The following ADAMTSL1 variants were observed in gnomAD, a reference collection of about 807,000 sequenced individuals.
ADAMTSL1 encodes ADAMTS-like protein 1.
A neutral mutation model predicts 201.8 loss-of-function variants in ADAMTSL1; 126 were observed. That is an observed-to-expected ratio of 0.62 (90% CI 0.54 to 0.72). The LOEUF is 0.72. Among genes scored for constraint, ADAMTSL1 ranks in the 30% least tolerant of loss-of-function variants. The probability of loss-of-function intolerance (pLI) is 0.00; values close to 1 mark genes in which losing one functional copy is unlikely to be tolerated. For missense variants in ADAMTSL1, 2,679 were observed against 2,277.8 expected (o/e 1.18, Z -3.59); for synonymous variants, 1,121 against 903.4 (o/e 1.24, Z -4.32).
chr9:18,266,285 G>A (rs1250307171), intron 2 of ADAMTSL1, among the ~76,000 whole-genome samples: 4 of 152,174 alleles, frequency 2.6e-5, no homozygotes, highest in Non-Finnish European at 5.9e-5. Context: ...CTTAGCAAGG[G>A]CATGGGTCAC....
rs77585153 is a variant in ADAMTSL1, at chr9:18,588,469, C to A, written c.474+14203C>A. On this transcript the variant is annotated intron_variant, in intron 4 of 28. Transcript: ENST00000380548. ...GCAGAAGTTTTTAGCTTAATGTAATCTATGTGTCTGTTTTTGCTTTTGTTT... is the reference window on the plus strand; with the variant it reads ...GCAGAAGTTTTTAGCTTAATGTAATATATGTGTCTGTTTTTGCTTTTGTTT... Among the ~76,000 whole-genome samples the A allele has an allele frequency of 9.0e-3, 1,362 of 152,112 alleles. 18 individuals carry two copies. Among genetic ancestry groups the A allele is most frequent in the African/African-American group, 0.031 (1,307 of 41,522 alleles).
rs139125871 is a variant in ADAMTSL1 at position 18,484,742 on chromosome 9, G to C, written c.63+10447G>C. Among the ~76,000 whole-genome samples the C allele has an allele frequency of 9.1e-4, 139 of 152,276 alleles. 1 individual carries two copies. The East Asian group carries it at 0.022, about 24-fold the overall frequency. On this transcript the variant is annotated intron_variant, in intron 1 of 28. Coordinates refer to ENST00000380548, the MANE Select transcript of ADAMTSL1 (RefSeq NM_001040272.6). ...TTAAGCAGGACTGTCTTGGCTGCAG[G>C]CTCCAGGATTTTGATTTTAAGAAAC...
chr9:18,869,384 T>C (rs751963691), intron 23 of ADAMTSL1, among the ~76,000 whole-genome samples: 1 of 152,230 alleles, frequency 6.6e-6, no homozygotes, highest in Admixed American at 6.5e-5. Flanking sequence ...TCCAGGGAAA[T>C]TGCAGAGCTC....
At chr9:18,649,419 CG>C in intron 7 of ADAMTSL1, among the ~76,000 whole-genome samples, 1 of 152,272 alleles carries the variant, frequency 6.6e-6, no homozygotes, top group East Asian at 1.9e-4. Context: ...AGCTTTGTTC[CG>C]TTGCTGGTGA....
intron 2 of ADAMTSL1, among the ~76,000 whole-genome samples, chr9:18,366,363 C>T (rs1344035788): frequency 6.6e-6 from 1 of 151,594 alleles, no homozygotes; most frequent in Non-Finnish European, 1.5e-5. Flanking sequence ...CCTCGTGTGC[C>T]TTGGGTTATT....
At chr9:18,310,670 A>C (rs1049345361) in intron 2 of ADAMTSL1, among the ~76,000 whole-genome samples, 1 of 152,206 alleles carries the variant, frequency 6.6e-6, no homozygotes, top group Non-Finnish European at 1.5e-5. Context: ...ATCTCACGCC[A>C]GTTAGAATGG....
At chr9:18,234,784 A>G (rs1011006820) in intron 2 of ADAMTSL1, among the ~76,000 whole-genome samples, 8 of 152,226 alleles carry the variant, frequency 5.3e-5, no homozygotes, top group Admixed American at 6.5e-5. Flanking sequence ...TCAGAACCAG[A>G]TTTGTCCTCT....
In ADAMTSL1 at chr9:18,364,872, C is replaced by G. The variant is rs1836699246; in HGVS notation, c.208-139957C>G. On this transcript the variant is annotated intron_variant, in intron 2 of 29. Coordinates refer to the ADAMTSL1 transcript ENST00000680146. ...GAGGTGCCACACACTTTTGAACAAC[C>G]AGACCTCACAATAACTCACTATGCA... Among the ~76,000 whole-genome samples the G allele has an allele frequency of 2.0e-5, 3 of 152,092 alleles. No homozygotes were observed. The South Asian group carries it at 6.2e-4, about 32-fold the overall frequency.
intron 2 of ADAMTSL1, among the ~76,000 whole-genome samples, chr9:18,238,185 A>T (rs1447387021): frequency 6.6e-6 from 1 of 152,208 alleles, no homozygotes; most frequent in Non-Finnish European, 1.5e-5. Flanking sequence ...GCTTTAATGA[A>T]TGAGTTTTAG....
intron 2 of ADAMTSL1, among the ~76,000 whole-genome samples, chr9:18,290,068 A>G (rs887910334): frequency 6.6e-6 from 1 of 152,158 alleles, no homozygotes; most frequent in Non-Finnish European, 1.5e-5. Context: ...TCCAAGACCA[A>G]AAAGACTGGA....
chr9:18,352,014 G>C (rs914385423), intron 2 of ADAMTSL1, among the ~76,000 whole-genome samples: 3 of 152,074 alleles, frequency 2.0e-5, no homozygotes, highest in African/African-American at 7.2e-5. Flanking sequence ...AGAAATAATA[G>C]ATGGGATTTC....
rs1267781422 is a variant in ADAMTSL1 at position 18,886,195 on chromosome 9, TATATATATATATATATAC to T, written c.4250-1634_4250-1617del. 1.2e-3 allele frequency among the ~76,000 whole-genome samples: 160 copies of T among 128,680 alleles called. 3 individuals carry two copies. Among genetic ancestry groups the T allele is most frequent in the African/African-American group, 3.9e-3 (133 of 33,826 alleles). The allele number at this position is 128,680 out of a possible 152,430, so 84.4% of individuals were successfully genotyped here. On this transcript the variant is annotated intron_variant, in intron 23 of 28. Transcript: ENST00000380548. ...ATATATATATATATATATATATATATATATATATATATATATACACACACATACATATACATACATACA... is the reference window on the plus strand; with the variant it reads ...ATATATATATATATATATATATATATACACACATACATATACATACATACA...
chr9:18,261,769 A>G (rs1468926787), intron 2 of ADAMTSL1, among the ~76,000 whole-genome samples: 8 of 152,218 alleles, frequency 5.3e-5, no homozygotes, highest in Admixed American at 5.2e-4. Flanking sequence ...AAGCAAGAAG[A>G]GAACTATTGT....
At chr9:18,877,907 A>T (rs1563880996) in intron 23 of ADAMTSL1, among the ~76,000 whole-genome samples, 1 of 152,168 alleles carries the variant, frequency 6.6e-6, no homozygotes, top group Non-Finnish European at 1.5e-5. Flanking sequence ...GTGCAGGGTT[A>T]GGCGTGTCTG....
chr9:18,436,708 G>A (rs1819748941), intron 2 of ADAMTSL1, among the ~76,000 whole-genome samples: 2 of 152,094 alleles, frequency 1.3e-5, no homozygotes, highest in Non-Finnish European at 2.9e-5. Context: ...TGATGCTGCT[G>A]ATTCCCCCCT....
intron 2 of ADAMTSL1, among the ~76,000 whole-genome samples, chr9:18,388,513 T>G (rs1406864968): frequency 6.6e-6 from 1 of 152,040 alleles, no homozygotes; most frequent in Non-Finnish European, 1.5e-5. Flanking sequence ...ACCTCAAGTG[T>G]TCTGCCTGCC....
intron 23 of ADAMTSL1, among the ~76,000 whole-genome samples, chr9:18,856,831 G>C (rs1461444315): frequency 6.6e-6 from 1 of 152,100 alleles, no homozygotes; most frequent in African/African-American, 2.4e-5. Flanking sequence ...TACAGACTTT[G>C]AGTTGTCTGT....
chr9:18,805,977 C>T (rs766123399), intron 20 of ADAMTSL1, among the ~76,000 whole-genome samples: 5 of 152,224 alleles, frequency 3.3e-5, no homozygotes, highest in Non-Finnish European at 7.3e-5. Context: ...ACATGCACAC[C>T]TCCTAGCCTA....
intron 2 of ADAMTSL1, among the ~76,000 whole-genome samples, chr9:18,269,422 GA>G (rs1246277130): frequency 6.6e-6 from 1 of 152,060 alleles, no homozygotes; most frequent in African/African-American, 2.4e-5. Context: ...AAATAAACTT[GA>G]CACTTTGAGT....
Sources: allele counts gnomAD v4.1 joint callset (sites outside exome capture counted in the v4.1 genomes callset), GRCh38; gene constraint gnomAD v4.1.1; transcripts MANE v1.5; gene names NCBI Gene and HGNC (gene_info 2026-07-23, HGNC 2026-07-21).